Variants in PPFIBP1 observed in about 807,000 individuals in gnomAD.
PPFIBP1 encodes liprin-beta-1.
Under a neutral mutation model 137.8 loss-of-function variants are expected in PPFIBP1, and 112 were observed. The ratio of observed to expected loss-of-function variants is 0.81; its 90% confidence interval spans 0.70 to 0.95. The LOEUF (loss-of-function observed/expected upper bound fraction) is 0.95. PPFIBP1 is among the 40% of genes least tolerant of loss of function. The probability of loss-of-function intolerance (pLI) is 0.00; values close to 1 mark genes in which losing one functional copy is unlikely to be tolerated. For missense variants in PPFIBP1, 1,083 were observed against 1,196.6 expected, an observed-to-expected ratio of 0.91 and a Z score of 1.40; for synonymous variants, 378 against 417.3, an observed-to-expected ratio of 0.91 and a Z score of 1.15.
intron 7 of PPFIBP1, among the ~76,000 whole-genome samples, chr12:27,652,340 A>G (rs2139667989): frequency 6.6e-6 from 1 of 152,342 alleles, no homozygotes; most frequent in Admixed American, 6.5e-5. Context: ...GATTAGCATC[A>G]TTCAACAGTG....
At chr12:27,627,358 A>G (rs1272831457) in intron 2 of PPFIBP1, among the ~76,000 whole-genome samples, 2 of 152,188 alleles carry the variant, frequency 1.3e-5, no homozygotes, top group African/African-American at 2.4e-5. Context: ...AACATATTCT[A>G]TTTTCATAAT....
intron 1 of PPFIBP1, among the ~76,000 whole-genome samples, chr12:27,537,697 A>G (rs1001357477): frequency 6.6e-6 from 1 of 152,024 alleles, no homozygotes; most frequent in African/African-American, 2.4e-5. Flanking sequence ...GATTTTAAAA[A>G]GAGGTCTGGC....
At chr12:27,661,581 T>C (rs2059554326) in intron 11 of PPFIBP1, among the ~76,000 whole-genome samples, 1 of 152,232 alleles carries the variant, frequency 6.6e-6, no homozygotes, top group African/African-American at 2.4e-5. Context: ...GTGGCTTACC[T>C]GACCACGTAT....
chr12:27,614,689 A>T (rs933693249), intron 2 of PPFIBP1, among the ~76,000 whole-genome samples: 1 of 152,228 alleles, frequency 6.6e-6, no homozygotes, highest in Non-Finnish European at 1.5e-5. Context: ...ACAGGCAGAA[A>T]AAGAAAGGAC....
At chr12:27,673,603 A>G (rs1416111913) in intron 15 of PPFIBP1, among the ~76,000 whole-genome samples, 164 bp from the exon 16 acceptor site, 1 of 152,200 alleles carries the variant, frequency 6.6e-6, no homozygotes, top group African/African-American at 2.4e-5. Flanking sequence ...AAAGAACTAA[A>G]TGTTGTCATT....
intron 2 of PPFIBP1, among the ~76,000 whole-genome samples, chr12:27,610,886 C>CTTT (rs779489560): frequency 6.9e-6 from 1 of 144,682 alleles, no homozygotes; most frequent in Non-Finnish European, 1.5e-5. Flanking sequence ...AGTTATTTTT[C>CTTT]TTTTTTTTTT....
chr12:27,591,844 C>A (rs1352135161), intron 2 of PPFIBP1, among the ~76,000 whole-genome samples: 1 of 152,202 alleles, frequency 6.6e-6, no homozygotes, highest in Non-Finnish European at 1.5e-5. Context: ...AATATCAGAA[C>A]TGCTGTCTGA....
chr12:27,543,882 T>C (rs1275373742), intron 1 of PPFIBP1, among the ~76,000 whole-genome samples: 1 of 136,722 alleles, frequency 7.3e-6, no homozygotes, highest in African/African-American at 2.7e-5. Flanking sequence ...CGCCCCTGCT[T>C]TTTTTTTTTT....
At chr12:27,681,781 G>A (rs766010049) in intron 22 of PPFIBP1, 85 bp downstream of exon 22, 10 of 1,459,022 alleles carry the variant, frequency 6.9e-6, no homozygotes, top group Non-Finnish European at 9.3e-6. Context: ...TCCAGAAAGG[G>A]CCATGAGTGA....
chr12:27,677,366 G>T (rs1045656470), intron 19 of PPFIBP1: 2 of 530,248 alleles, frequency 3.8e-6, no homozygotes, highest in East Asian at 5.9e-5. Flanking sequence ...CCCTCAGAGT[G>T]CAGGGCAGGA....
At chr12:27,544,935 G>A (rs761265831) in intron 1 of PPFIBP1, among the ~76,000 whole-genome samples, 4 of 152,078 alleles carry the variant, frequency 2.6e-5, no homozygotes, top group Non-Finnish European at 2.9e-5. Flanking sequence ...ACATGCACAC[G>A]TGTGTTTATT....
At position 27,676,618 on chromosome 12, in the gene PPFIBP1, C is replaced by G; in HGVS notation, c.1582+19C>G. On this transcript the variant is annotated intron_variant, in intron 18 of 29. Coordinates refer to ENST00000228425, the MANE Select transcript of PPFIBP1 (RefSeq NM_003622.4). ...AACTTAGGTACGTATGACCAAAATG[C>G]CTTTGCCCTAATTCTTCCACAAGGA... 1 of 1,533,962 alleles carries G rather than the reference C, an allele frequency of 6.5e-7. No individual in the cohort carries two copies. The highest frequency in any genetic ancestry group is 8.8e-7 in the Non-Finnish European group (1 of 1,134,520).
At chr12:27,639,896 C>T (rs1453215402) in intron 4 of PPFIBP1, among the ~76,000 whole-genome samples, 7 of 152,176 alleles carry the variant, frequency 4.6e-5, no homozygotes, top group African/African-American at 7.2e-5. Context: ...CCCAGCCCCA[C>T]GAAGCAGTCC....
intron 1 of PPFIBP1, among the ~76,000 whole-genome samples, chr12:27,557,106 AG>A (rs2048758719): frequency 1.3e-5 from 2 of 152,286 alleles, no homozygotes; most frequent in East Asian, 3.9e-4. Context: ...AGGAAAAAGA[AG>A]GGGGTGTCAG....
At chr12:27,557,199 T>C (rs2048766416) in intron 1 of PPFIBP1, among the ~76,000 whole-genome samples, 1 of 151,810 alleles carries the variant, frequency 6.6e-6, no homozygotes. Context: ...GCCTTTTTTG[T>C]ATCAAGCTAA....
intron 1 of PPFIBP1, among the ~76,000 whole-genome samples, chr12:27,555,921 TG>T (rs1372153281): frequency 6.6e-6 from 1 of 152,220 alleles, no homozygotes; most frequent in Non-Finnish European, 1.5e-5. Context: ...ATTACTTATT[TG>T]TCCATGTTAA....
chr12:27,644,099 C>CA (rs1244977346), intron 4 of PPFIBP1, among the ~76,000 whole-genome samples: 1 of 152,008 alleles, frequency 6.6e-6, no homozygotes, highest in Non-Finnish European at 1.5e-5. Flanking sequence ...TTTCTTAAGA[C>CA]AGAGTCTTGC....
intron 6 of PPFIBP1, among the ~76,000 whole-genome samples, chr12:27,649,051 T>A (rs908321689): frequency 6.6e-6 from 1 of 152,208 alleles, no homozygotes; most frequent in Non-Finnish European, 1.5e-5. Flanking sequence ...GACCCCGTTT[T>A]CCATGATGTG....
intron 2 of PPFIBP1, among the ~76,000 whole-genome samples, chr12:27,598,203 G>C (rs933105937): frequency 1.3e-5 from 2 of 152,072 alleles, no homozygotes; most frequent in Non-Finnish European, 2.9e-5. Context: ...CCCAAGACTG[G>C]GTAATGAATA....
Sources: gnomAD v4.1 joint callset for allele counts (sites outside exome capture counted in the v4.1 genomes callset) on GRCh38, gnomAD v4.1.1 for gene constraint, MANE v1.5 for transcripts, NCBI Gene and HGNC (gene_info 2026-07-23, HGNC 2026-07-21) for gene names.